The following VDAC1 variants were observed in gnomAD, a reference collection of about 807,000 sequenced individuals.
The protein encoded by VDAC1 is non-selective voltage-gated ion channel VDAC1.
A neutral mutation model predicts 34.7 loss-of-function variants in VDAC1; 10 were observed. That is an observed-to-expected ratio of 0.29 (90% CI 0.18 to 0.49). VDAC1 has a LOEUF of 0.49. Ranked by LOEUF, VDAC1 falls within the 20% of genes least tolerant of loss-of-function variation. The pLI is 0.99. For synonymous variants in VDAC1, 130 were observed against 136.0 expected, an observed-to-expected ratio of 0.96 and a Z score of 0.30; for missense variants, 230 against 347.9, an observed-to-expected ratio of 0.66 and a Z score of 2.69.
chr5:134,026,646 T>G, the VDAC1 span, among the ~76,000 whole-genome samples: 1 of 151,994 alleles, frequency 6.6e-6, no homozygotes, highest in African/African-American at 2.4e-5. Flanking sequence ...GGCCCAGTCT[T>G]AGAGCCAGGG....
chr5:134,097,019 C>A, the VDAC1 span, among the ~76,000 whole-genome samples: 47 of 152,228 alleles, frequency 3.1e-4, no homozygotes, highest in Non-Finnish European at 5.7e-4. Context: ...GTGGTCCCAG[C>A]GCACATCCCT....
upstream of VDAC1, among the ~76,000 whole-genome samples, chr5:134,008,791 C>G (rs1212358734): frequency 6.6e-6 from 1 of 152,228 alleles, no homozygotes; most frequent in Non-Finnish European, 1.5e-5. Flanking sequence ...GAAAGATATT[C>G]TGCTTGTAAC....
At chr5:134,006,432 T>G (rs549838943), upstream of VDAC1, among the ~76,000 whole-genome samples, 8 of 152,098 alleles carry the variant, frequency 5.3e-5, no homozygotes, top group South Asian at 1.0e-3. Context: ...CAGCGCCACC[T>G]CTCAACTCCG....
chr5:134,113,524 G>C, the VDAC1 span, among the ~76,000 whole-genome samples: 1 of 152,200 alleles, frequency 6.6e-6, no homozygotes, highest in Non-Finnish European at 1.5e-5. Flanking sequence ...TCCAATACCC[G>C]GCCCTCCCCC....
At chr5:134,045,433 C>T in the VDAC1 span, among the ~76,000 whole-genome samples, 1 of 152,190 alleles carries the variant, frequency 6.6e-6, no homozygotes, top group Non-Finnish European at 1.5e-5. Context: ...TGCCTTCATT[C>T]TGGAGGCTTT....
the VDAC1 span, among the ~76,000 whole-genome samples, chr5:134,091,366 G>T: frequency 6.6e-6 from 1 of 152,044 alleles, no homozygotes; most frequent in Non-Finnish European, 1.5e-5. Flanking sequence ...CCCCTAACTT[G>T]CCTATCCCCT....
the VDAC1 span, among the ~76,000 whole-genome samples, chr5:134,055,586 A>ATTT: frequency 3.3e-5 from 2 of 60,080 alleles, no homozygotes; most frequent in African/African-American, 2.2e-4. Flanking sequence ...CGCCCCGCTA[A>ATTT]TGTTTTTTTT....
intron 6 of VDAC1, among the ~76,000 whole-genome samples, chr5:133,979,479 G>A (rs1186134104): frequency 8.4e-6 from 1 of 119,532 alleles, no homozygotes; most frequent in Non-Finnish European, 1.6e-5. Context: ...GCTCAGGCTA[G>A]AGCGCAGTGG....
the VDAC1 span, among the ~76,000 whole-genome samples, chr5:134,042,859 C>A: frequency 6.6e-6 from 1 of 152,216 alleles, no homozygotes; most frequent in South Asian, 2.1e-4. Flanking sequence ...CTTAATGAAA[C>A]TGGGCTCCCC....
chr5:134,046,405 G>A, the VDAC1 span, among the ~76,000 whole-genome samples: 13 of 150,502 alleles, frequency 8.6e-5, no homozygotes, highest in Non-Finnish European at 1.3e-4. Context: ...TCCTGGGCTC[G>A]AGTGATCTGC....
At chr5:133,996,414 T>C (rs996022337) in intron 1 of VDAC1, among the ~76,000 whole-genome samples, 32 of 152,168 alleles carry the variant, frequency 2.1e-4, no homozygotes, top group Non-Finnish European at 3.7e-4. Context: ...CGGCCCATAC[T>C]GGAAGCACAG....
the VDAC1 span, among the ~76,000 whole-genome samples, chr5:134,064,523 C>T: frequency 6.6e-6 from 1 of 151,858 alleles, no homozygotes; most frequent in Non-Finnish European, 1.5e-5. Flanking sequence ...AGGCTGGTCT[C>T]GAACTCCTGA....
chr5:134,084,547 G>A, the VDAC1 span, among the ~76,000 whole-genome samples: 1 of 152,258 alleles, frequency 6.6e-6, no homozygotes, highest in Non-Finnish European at 1.5e-5. Flanking sequence ...CCACAAGACA[G>A]TGGTCCAGAG....
At chr5:134,043,387 G>A in the VDAC1 span, among the ~76,000 whole-genome samples, 3 of 152,158 alleles carry the variant, frequency 2.0e-5, no homozygotes, top group African/African-American at 7.2e-5. Context: ...CAAGGGCAGC[G>A]CTGGGCCACA....
the VDAC1 span, among the ~76,000 whole-genome samples, chr5:134,056,726 C>T: frequency 6.6e-6 from 1 of 152,098 alleles, no homozygotes; most frequent in Admixed American, 6.5e-5. Flanking sequence ...GCTCTTTTTG[C>T]CCAGGCTGGA....
chr5:133,991,247 G>T, intron 3 of VDAC1, 93 bp from the exon 4 acceptor site: 2 of 1,516,258 alleles, frequency 1.3e-6, no homozygotes, highest in Non-Finnish European at 1.8e-6. Flanking sequence ...TCTGCAAGAG[G>T]CAAGACCCTG....
chr5:134,054,171 A>C, the VDAC1 span, among the ~76,000 whole-genome samples: 1 of 152,218 alleles, frequency 6.6e-6, no homozygotes. Context: ...ACACCTTCTC[A>C]GTGTGGTAAT....
chr5:134,113,690 G>A, the VDAC1 span, among the ~76,000 whole-genome samples: 1 of 152,276 alleles, frequency 6.6e-6, no homozygotes, highest in Non-Finnish European at 1.5e-5. Flanking sequence ...CAAGCGCGCC[G>A]TGGAGGCCCG....
the VDAC1 span, among the ~76,000 whole-genome samples, chr5:134,106,414 C>CTTTTTTTTTTTTTTTTTTTT: frequency 2.0e-5 from 3 of 146,550 alleles, 1 homozygote; most frequent in Non-Finnish European, 4.5e-5. Context: ...TTGTCATCCT[C>CTTTTTTTTTTTTTTTTTTTT]TTTTTTTTTT....
Sources: gnomAD v4.1 joint callset for allele counts (sites outside exome capture counted in the v4.1 genomes callset) on GRCh38, gnomAD v4.1.1 for gene constraint, MANE v1.5 for transcripts, NCBI Gene and HGNC (gene_info 2026-07-23, HGNC 2026-07-21) for gene names.